Variants in ACSS3 observed in about 807,000 individuals in gnomAD.
ACSS3 encodes acyl-CoA synthetase short-chain family member 3, mitochondrial.
In ACSS3, 64 loss-of-function variants were observed where a neutral mutation model predicts 84.2. The observed-to-expected ratio is 0.76, with a 90% CI of 0.62 to 0.94. The LOEUF is 0.94. Among genes scored for constraint, ACSS3 ranks in the 40% least tolerant of loss-of-function variants. The probability of loss-of-function intolerance (pLI) is 0.00; values close to 1 mark genes in which losing one functional copy is unlikely to be tolerated. For synonymous variants in ACSS3, 317 were observed against 310.1 expected, an observed-to-expected ratio of 1.02 and a Z score of -0.23; for missense variants, 815 against 867.6, an observed-to-expected ratio of 0.94 and a Z score of 0.76.
chr12:81,188,343 T>G (rs568181957), intron 8 of ACSS3, among the ~76,000 whole-genome samples: 1 of 152,178 alleles, frequency 6.6e-6, no homozygotes, highest in East Asian at 1.9e-4. Context: ...TAGGGAACTA[T>G]GCATACATTT....
intron 13 of ACSS3, among the ~76,000 whole-genome samples, chr12:81,236,524 T>C (rs916221991): frequency 6.6e-6 from 1 of 151,404 alleles, no homozygotes; most frequent in Non-Finnish European, 1.5e-5. Flanking sequence ...GTGGGTTTCT[T>C]GTAGACAGCA....
chr12:81,196,949 A>G (rs1023472741), intron 8 of ACSS3, among the ~76,000 whole-genome samples: 3 of 152,148 alleles, frequency 2.0e-5, no homozygotes, highest in Admixed American at 2.0e-4. Flanking sequence ...TATCCTAACT[A>G]TATCACCAAT....
chr12:81,180,153 T>C (rs1593167468), intron 8 of ACSS3, among the ~76,000 whole-genome samples: 1 of 152,220 alleles, frequency 6.6e-6, no homozygotes, highest in East Asian at 1.9e-4. Context: ...ACTGCATGTT[T>C]ACTCTTCTAA....
rs140093465 is a variant in ACSS3, at chr12:81,235,371, G to T, written c.1719+1900G>T. The stretch of plus-strand genomic sequence containing the variant: ...TACATTATATTTTTATGAATATACT[G>T]CCTTGACACTGTAGCTATGTAGTGT... On this transcript the variant is annotated intron_variant, in intron 13 of 15. Transcript: ENST00000548058. Among the ~76,000 whole-genome samples the T allele has an allele frequency of 2.5e-3, 373 of 150,956 alleles. 1 individual carries two copies. The highest frequency in any genetic ancestry group is 3.9e-3 in the Non-Finnish European group (262 of 67,366).
intron 7 of ACSS3, 150 bp downstream of exon 7, chr12:81,152,246 GA>G: frequency 1.7e-6 from 1 of 583,664 alleles, no homozygotes; most frequent in Non-Finnish European, 2.9e-6. Context: ...TTTTGAAAGG[GA>G]AAAGGATATG....
intron 1 of ACSS3, among the ~76,000 whole-genome samples, chr12:81,096,284 T>C (rs1882039273): frequency 6.6e-6 from 1 of 152,190 alleles, no homozygotes; most frequent in African/African-American, 2.4e-5. Context: ...GAGAGTATAT[T>C]ACATTTCACA....
At chr12:81,239,252 G>A (rs147565611) in intron 13 of ACSS3, among the ~76,000 whole-genome samples, 223 of 151,690 alleles carry the variant, frequency 1.5e-3, no homozygotes, top group Non-Finnish European at 1.3e-3. Context: ...AAAATTTTAA[G>A]GTGTGTTTTA....
intron 1 of ACSS3, among the ~76,000 whole-genome samples, chr12:81,089,693 A>T (rs999335482): frequency 6.6e-6 from 1 of 151,982 alleles, no homozygotes; most frequent in Non-Finnish European, 1.5e-5. Context: ...ATTATCGTCA[A>T]TAATGATAAT....
intron 7 of ACSS3, among the ~76,000 whole-genome samples, chr12:81,162,947 A>G (rs952964674): frequency 6.6e-6 from 1 of 152,154 alleles, no homozygotes; most frequent in African/African-American, 2.4e-5. Context: ...GCCATGCAGC[A>G]GGAGCAGGCA....
chr12:81,136,062 A>T (rs944041834), intron 3 of ACSS3, among the ~76,000 whole-genome samples: 1 of 152,126 alleles, frequency 6.6e-6, no homozygotes, highest in Non-Finnish European at 1.5e-5. Flanking sequence ...TATCAAATGG[A>T]TGGGACATAT....
At chr12:81,108,493 G>A (rs986286811) in intron 1 of ACSS3, among the ~76,000 whole-genome samples, 1 of 151,892 alleles carries the variant, frequency 6.6e-6, no homozygotes, top group South Asian at 2.1e-4. Flanking sequence ...TGGCCAGGTT[G>A]GTCTTGAACT....
At position 81,096,330 on chromosome 12, in the gene ACSS3, T is replaced by C. The variant is rs866864674; in HGVS notation, c.312-13230T>C. 3.9e-5 allele frequency among the ~76,000 whole-genome samples: 6 copies of C among 152,316 alleles called. No homozygotes were observed. The South Asian group carries it at 1.0e-3, about 26-fold the overall frequency. ...CTTACAAGCTTTTATTTTAAAATAATCATTGAGCATTTGTTGTGTGCCATT... is the reference window on the plus strand; with the variant it reads ...CTTACAAGCTTTTATTTTAAAATAACCATTGAGCATTTGTTGTGTGCCATT... On this transcript the variant is annotated intron_variant, in intron 1 of 15. Transcript: ENST00000548058.
intron 8 of ACSS3, among the ~76,000 whole-genome samples, chr12:81,193,230 G>A (rs1363422634): frequency 6.6e-6 from 1 of 152,078 alleles, no homozygotes; most frequent in African/African-American, 2.4e-5. Context: ...AGTCGACGAG[G>A]CATCACTGAA....
Position 81,255,101 on chromosome 12 carries a change from T to C in ACSS3, c.*179T>C. The C allele has an allele frequency of 1.8e-6, 1 of 567,656 alleles. No individual in the cohort carries two copies. Among genetic ancestry groups the C allele is most frequent in the Non-Finnish European group, 3.0e-6 (1 of 338,798 alleles). 35.2% of individuals were successfully genotyped at this position (567,656 alleles called of 1,614,324 possible). A position where few individuals can be genotyped will look rare whatever the true frequency, so the allele number is the denominator to read the frequency against. ...ATGTGAAAGACCTGTGCCTTTTTTT[T>C]GGTTTGACCCTGTTAGCATTGTTAT... On this transcript the variant is annotated 3_prime_UTR_variant, in exon 16 of 16. Coordinates refer to ENST00000548058, the MANE Select transcript of ACSS3 (RefSeq NM_024560.4).
chr12:81,217,101 T>C, intron 10 of ACSS3, 105 bp downstream of exon 10: 1 of 791,588 alleles, frequency 1.3e-6, no homozygotes, highest in Non-Finnish European at 2.0e-6. Flanking sequence ...AATTAGAATC[T>C]GGTTGAATGA....
At chr12:81,162,861 G>A (rs539184799) in intron 7 of ACSS3, among the ~76,000 whole-genome samples, 1 of 152,114 alleles carries the variant, frequency 6.6e-6, no homozygotes, top group East Asian at 1.9e-4. Context: ...GCACACACTC[G>A]GCTGTGTTGT....
chr12:81,089,843 C>A (rs1444151602), intron 1 of ACSS3, among the ~76,000 whole-genome samples: 2 of 152,008 alleles, frequency 1.3e-5, no homozygotes, highest in Non-Finnish European at 2.9e-5. Flanking sequence ...ATCTTCCCAA[C>A]AACTCTTATA....
chr12:81,093,237 G>T (rs1344425134), intron 1 of ACSS3, among the ~76,000 whole-genome samples: 2 of 152,032 alleles, frequency 1.3e-5, no homozygotes, highest in African/African-American at 4.8e-5. Flanking sequence ...ATCAATTGGG[G>T]TCAGGAGTTC....
intron 1 of ACSS3, among the ~76,000 whole-genome samples, chr12:81,094,204 G>GTGTT (rs1881874269): frequency 6.6e-6 from 1 of 151,308 alleles, no homozygotes; most frequent in Non-Finnish European, 1.5e-5. Flanking sequence ...GTGTGTGTGT[G>GTGTT]TGTGTGTTTC....
Sources: allele counts gnomAD v4.1 joint callset (sites outside exome capture counted in the v4.1 genomes callset), GRCh38; gene constraint gnomAD v4.1.1; transcripts MANE v1.5; gene names NCBI Gene and HGNC (gene_info 2026-07-23, HGNC 2026-07-21).